The following MAPK4 variants were observed in gnomAD, a reference collection of about 807,000 sequenced individuals.
The protein encoded by MAPK4 is Erk3-related.
In MAPK4, 22 loss-of-function variants were observed where a neutral mutation model predicts 47.7. The ratio of observed to expected loss-of-function variants is 0.46; its 90% CI spans 0.33 to 0.66. The LOEUF is 0.66. Ranked by LOEUF, MAPK4 falls within the 30% of genes least tolerant of loss-of-function variation. MAPK4 has a pLI of 0.02. For synonymous variants in MAPK4, 390 were observed against 365.7 expected (o/e 1.07, Z -0.76); for missense variants, 736 against 831.7 (o/e 0.88, Z 1.42).
intron 2 of MAPK4, among the ~76,000 whole-genome samples, chr18:50,711,781 T>C (rs1910378868): frequency 6.6e-6 from 1 of 152,170 alleles, no homozygotes; most frequent in Admixed American, 6.5e-5. Context: ...ATTTATGAGC[T>C]CTTTTAATAA....
At chr18:50,607,761 G>GA (rs1276467182) in intron 1 of MAPK4, among the ~76,000 whole-genome samples, 5 of 152,098 alleles carry the variant, frequency 3.3e-5, no homozygotes, top group Non-Finnish European at 7.4e-5. Context: ...TTTTTGACAG[G>GA]AAAAAATCAT....
At chr18:50,647,057 G>A (rs556130323) in intron 1 of MAPK4, among the ~76,000 whole-genome samples, 2 of 152,238 alleles carry the variant, frequency 1.3e-5, no homozygotes, top group African/African-American at 4.8e-5. Context: ...GTTCCATGGG[G>A]CCCAGGACTG....
At chr18:50,702,848 G>A (rs530808705) in intron 2 of MAPK4, among the ~76,000 whole-genome samples, 1 of 152,282 alleles carries the variant, frequency 6.6e-6, no homozygotes, top group African/African-American at 2.4e-5. Context: ...AACAGGGCCG[G>A]ACCTACTGGA....
chr18:50,568,880 A>G (rs759129840), intron 1 of MAPK4, among the ~76,000 whole-genome samples: 26 of 152,296 alleles, frequency 1.7e-4, no homozygotes, highest in Admixed American at 3.3e-4. Context: ...TTGATTACTG[A>G]ATTTCCAGTC....
intron 1 of MAPK4, among the ~76,000 whole-genome samples, chr18:50,656,300 A>G (rs1174273632): frequency 6.6e-6 from 1 of 152,186 alleles, no homozygotes; most frequent in African/African-American, 2.4e-5. Context: ...TGGGATGTCC[A>G]TCAAGCTGTT....
chr18:50,663,887 C>A lies in MAPK4; in HGVS notation c.-72C>A. ...GACAGAATGAGGTGCGCGAGGGAGG[C>A]CGCTAGCCGAGACTTGGCCTTTCCT... On this transcript the variant is annotated 5_prime_UTR_variant, in exon 2 of 6. Transcript: ENST00000400384. The A allele has an allele frequency of 7.3e-7, 1 of 1,371,512 alleles. No homozygotes were observed. Among genetic ancestry groups the A allele is most frequent in the Non-Finnish European group, 1.0e-6 (1 of 993,744 alleles). The allele number at this position is 1,371,512 out of a possible 1,614,324, so 85.0% of individuals were successfully genotyped here.
At chr18:50,617,287 T>C (rs901964208) in intron 1 of MAPK4, among the ~76,000 whole-genome samples, 2 of 152,192 alleles carry the variant, frequency 1.3e-5, no homozygotes, top group Non-Finnish European at 2.9e-5. Flanking sequence ...TTGAAACAAC[T>C]TTTTTCTTAA....
intron 2 of MAPK4, among the ~76,000 whole-genome samples, chr18:50,674,747 T>C (rs1162898524): frequency 6.6e-6 from 1 of 152,256 alleles, no homozygotes; most frequent in Non-Finnish European, 1.5e-5. Flanking sequence ...TCTGTTTACA[T>C]GCCTCTTCCC....
intron 1 of MAPK4, among the ~76,000 whole-genome samples, chr18:50,661,837 G>A (rs1366454872): frequency 1.3e-5 from 2 of 152,174 alleles, no homozygotes; most frequent in Admixed American, 6.5e-5. Flanking sequence ...CAGAATTACC[G>A]AAGATCTGAC....
In MAPK4 at chr18:50,698,955, G is replaced by A. The variant is rs1226080494; in HGVS notation, c.547-16124G>A. Among the ~76,000 whole-genome samples the A allele has an allele frequency of 2.6e-5, 4 of 152,100 alleles. No individual in the cohort carries two copies. In the South Asian group the frequency reaches 6.2e-4, roughly 24 times the overall value. On this transcript the variant is annotated intron_variant, in intron 2 of 5. Coordinates refer to ENST00000400384, the MANE Select transcript of MAPK4 (RefSeq NM_002747.4). ...CAGGAGAATCACTTGAACCCAAGAG[G>A]CAGAGGCTGCAGTGAGTCAAGATCG...
At chr18:50,560,379 C>G (rs1488447201) in intron 1 of MAPK4, 136 bp downstream of exon 1, 1 of 152,184 alleles carries the variant, frequency 6.6e-6, no homozygotes, top group Non-Finnish European at 1.5e-5. Context: ...ACAATAAGCC[C>G]CCCAGGCCAA....
intron 1 of MAPK4, among the ~76,000 whole-genome samples, chr18:50,640,680 G>T (rs2144180228): frequency 6.6e-6 from 1 of 152,274 alleles, no homozygotes; most frequent in Non-Finnish European, 1.5e-5. Flanking sequence ...TGGCCAGGCT[G>T]GTCTCGAACT....
chr18:50,591,890 G>A (rs1158370192), intron 1 of MAPK4, among the ~76,000 whole-genome samples: 1 of 152,082 alleles, frequency 6.6e-6, no homozygotes, highest in Non-Finnish European at 1.5e-5. Context: ...GGCCCGCCGG[G>A]TTCATCATAA....
At chr18:50,571,661 T>A (rs1198359345) in intron 1 of MAPK4, among the ~76,000 whole-genome samples, 4 of 152,250 alleles carry the variant, frequency 2.6e-5, no homozygotes, top group African/African-American at 9.6e-5. Context: ...AGGGCCATTT[T>A]CTGTATTTCT....
chr18:50,573,445 T>C (rs1422369070), intron 1 of MAPK4, among the ~76,000 whole-genome samples: 1 of 152,174 alleles, frequency 6.6e-6, no homozygotes. Flanking sequence ...CATTAGATTC[T>C]CATAGGAGCA....
intron 1 of MAPK4, among the ~76,000 whole-genome samples, chr18:50,643,466 C>T (rs760681110): frequency 2.0e-5 from 3 of 152,234 alleles, no homozygotes; most frequent in Admixed American, 6.5e-5. Context: ...GAGGTTGCAG[C>T]GAGTCGAGGT....
At chr18:50,627,780 T>A (rs899692315) in intron 1 of MAPK4, among the ~76,000 whole-genome samples, 3 of 152,014 alleles carry the variant, frequency 2.0e-5, no homozygotes, top group African/African-American at 7.3e-5. Context: ...TGCCTGTGAG[T>A]TTGGATGGTG....
intron 1 of MAPK4, among the ~76,000 whole-genome samples, chr18:50,601,097 TAAA>T (rs3080769): frequency 7.6e-4 from 102 of 134,436 alleles, no homozygotes; most frequent in Non-Finnish European, 9.1e-4. Context: ...CCTATCTCTG[TAAA>T]AAAAAAAAAA....
intron 1 of MAPK4, among the ~76,000 whole-genome samples, chr18:50,609,419 G>A (rs944607513): frequency 9.6e-5 from 14 of 145,288 alleles, no homozygotes; most frequent in East Asian, 2.0e-4. Flanking sequence ...ACGGGGCGGC[G>A]AGATATGTCT....
Sources: gnomAD v4.1 joint callset for allele counts (sites outside exome capture counted in the v4.1 genomes callset) on GRCh38, gnomAD v4.1.1 for gene constraint, MANE v1.5 for transcripts, NCBI Gene and HGNC (gene_info 2026-07-23, HGNC 2026-07-21) for gene names.